FXYD3: variants seen among roughly 807,000 people sequenced by gnomAD.
FXYD3 encodes FXYD domain containing ion transport regulator 3.
A neutral mutation model predicts 19.2 loss-of-function variants in FXYD3; 13 were observed. The observed-to-expected ratio is 0.68, with a 90% confidence interval of 0.44 to 1.08. The LOEUF is 1.08. FXYD3 is among the 50% of genes least tolerant of loss of function. The pLI, the probability that FXYD3 is intolerant of heterozygous loss-of-function variation, is 0.00. For missense variants in FXYD3, 101 were observed against 109.4 expected (o/e 0.92, Z 0.34); for synonymous variants, 48 against 38.9 (o/e 1.23, Z -0.87).
intron 3 of FXYD3, chr19:35,119,619 T>C: frequency 1.8e-6 from 1 of 564,242 alleles, no homozygotes; most frequent in Non-Finnish European, 3.1e-6. Context: ...AAAGTCACCG[T>C]CTTCCCCATT....
Position 35,123,488 on chromosome 19 carries a change from G to A in FXYD3, c.*31G>A. 3 of 1,613,550 alleles carry A rather than the reference G, an allele frequency of 1.9e-6. No individual in the cohort carries two copies. Among genetic ancestry groups the A allele is most frequent in the South Asian group, 1.1e-5 (1 of 91,040 alleles). Reference sequence around the variant, plus strand: ...ACAGACCAGCTGAAATTGGGTGGAGGACCGTTCTCTGTCCCCAGGTCCTGT... The same window carrying A: ...ACAGACCAGCTGAAATTGGGTGGAGAACCGTTCTCTGTCCCCAGGTCCTGT... On this transcript the variant is annotated 3_prime_UTR_variant, in exon 9 of 9. Coordinates refer to ENST00000604404, the MANE Select transcript of FXYD3 (RefSeq NM_005971.4).
intron 2 of FXYD3, chr19:35,117,414 C>A: frequency 7.1e-7 from 1 of 1,415,868 alleles, no homozygotes; most frequent in Admixed American, 3.4e-5. Flanking sequence ...GAGCATAGGG[C>A]TTTAAGATGA....
At chr19:35,119,561 A>G (rs562647992) in intron 3 of FXYD3, 145 bp downstream of exon 3, 3 of 703,644 alleles carry the variant, frequency 4.3e-6, no homozygotes, top group Admixed American at 2.4e-5. Context: ...GAAAAGTCAG[A>G]CTAGTGATAG....
rs2065110759 is a variant in FXYD3 at position 35,124,322 on chromosome 19, T to G, written c.*865T>G. 6.6e-6 allele frequency: 1 copy of G among 152,180 alleles called. No individual in the cohort carries two copies. The highest frequency in any genetic ancestry group is 2.1e-4 in the South Asian group (1 of 4,826). The allele number at this position is 152,180 out of a possible 1,614,324, so 9.4% of individuals were successfully genotyped here. A position where few individuals can be genotyped will look rare whatever the true frequency, so the allele number is the denominator to read the frequency against. On this transcript the variant is annotated 3_prime_UTR_variant, in exon 9 of 9. Transcript: ENST00000604404. ...CACAATAAACTCGTGACTTGTCCCC[T>G]CATCATGCCGTTTTATCCCTCAAAC...
At position 35,122,623 on chromosome 19, in the gene FXYD3, C is replaced by T. The variant is rs1389747053; in HGVS notation, c.98-142C>T. On this transcript the variant is annotated intron_variant, in intron 5 of 8. Transcript: ENST00000604404. ...GGTGTGTGAACCAGAATGTGAGCAC[C>T]TGGGATTTTGTCTGTTTTCTTATGG... The T allele has an allele frequency of 6.8e-5, 46 of 678,410 alleles. 1 individual carries two copies. The highest frequency in any genetic ancestry group is 1.0e-4 in the Non-Finnish European group (40 of 385,824). The allele number at this position is 678,410 out of a possible 1,614,324, so 42.0% of individuals were successfully genotyped here. A position where few individuals can be genotyped will look rare whatever the true frequency, so the allele number is the denominator to read the frequency against.
intron 7 of FXYD3, 79 bp from the exon 8 acceptor site, chr19:35,123,192 G>A (rs2065087636): frequency 6.6e-7 from 1 of 1,519,830 alleles, no homozygotes; most frequent in Non-Finnish European, 8.8e-7. Context: ...AGACATGTCT[G>A]GGCAGGCTAA....
Position 35,123,459 on chromosome 19 carries a change from G to C in FXYD3, c.*2G>C. 1 of 1,614,120 alleles carries C rather than the reference G, an allele frequency of 6.2e-7. No individual in the cohort carries two copies. The highest frequency in any genetic ancestry group is 8.5e-7 in the Non-Finnish European group (1 of 1,180,002). ...CCCGCAGGCTCAGCCCAAAGCTGATGAGGACAGACCAGCTGAAATTGGGTG... is the reference window on the plus strand; with the variant it reads ...CCCGCAGGCTCAGCCCAAAGCTGATCAGGACAGACCAGCTGAAATTGGGTG... On this transcript the variant is annotated 3_prime_UTR_variant, in exon 9 of 9. Coordinates refer to ENST00000604404, the MANE Select transcript of FXYD3 (RefSeq NM_005971.4).
At chr19:35,117,786 A>G (rs2064932672) in intron 2 of FXYD3, among the ~76,000 whole-genome samples, 1 of 150,456 alleles carries the variant, frequency 6.6e-6, no homozygotes, top group African/African-American at 2.5e-5. Flanking sequence ...GGATGCTCCA[A>G]CTAAAATTGT....
intron 5 of FXYD3, 191 bp from the exon 6 acceptor site, chr19:35,122,574 C>G: frequency 1.7e-6 from 1 of 591,186 alleles, no homozygotes; most frequent in Non-Finnish European, 3.0e-6. Context: ...TCTGCCTGAC[C>G]CTGCACGACA....
chr19:35,123,370 G>GTGTGTA, intron 8 of FXYD3, 62 bp downstream of exon 8: 7 of 1,564,850 alleles, frequency 4.5e-6, no homozygotes, highest in Non-Finnish European at 6.1e-6. Flanking sequence ...GTGTGTGTAT[G>GTGTGTA]TGTGTGTTTG....
At chr19:35,123,372 G>T in intron 8 of FXYD3, 64 bp downstream of exon 8, 1 of 1,611,162 alleles carries the variant, frequency 6.2e-7, no homozygotes, top group Non-Finnish European at 8.5e-7. Flanking sequence ...GTGTGTATGT[G>T]TGTGTTTGCA....
chr19:35,120,145 T>TC (rs973155422), intron 3 of FXYD3, among the ~76,000 whole-genome samples: 3 of 149,756 alleles, frequency 2.0e-5, no homozygotes, highest in Non-Finnish European at 4.5e-5. Flanking sequence ...TTTCTTTTCT[T>TC]TTTTTTTTTT....
At chr19:35,119,798 A>G (rs996404445) in intron 3 of FXYD3, 6 of 219,192 alleles carry the variant, frequency 2.7e-5, no homozygotes, top group African/African-American at 1.2e-4. Context: ...AGCCTCCTAC[A>G]CAGCTAGAAT....
chr19:35,123,287 ACT>A lies in FXYD3; in HGVS notation c.228_229del (p.Pro77ThrfsTer36). The A allele has an allele frequency of 6.2e-7, 1 of 1,605,268 alleles. No homozygotes were observed. The highest frequency in any genetic ancestry group is 8.5e-7 in the Non-Finnish European group (1 of 1,175,950). On this transcript the variant is annotated frameshift_variant, in exon 8 of 9. Transcript: ENST00000604404. LOFTEE classifies it high-confidence loss of function. ...GQKSGHHPGE[T>X]PPLITPGSAQ... The stretch of plus-strand genomic sequence containing the variant: ...TCTCCTTAGTCACCATCCAGGGGAG[ACT>A]CCACCTCTCATCACCCCAGGTAAGA...
In FXYD3 at chr19:35,123,399, A is replaced by G; in HGVS notation, c.248-42A>G. 1.9e-6 allele frequency: 3 copies of G among 1,613,640 alleles called. No individual in the cohort carries two copies. The South Asian group carries it at 3.3e-5, about 18-fold the overall frequency. On this transcript the variant is annotated intron_variant, in intron 8 of 8. Coordinates refer to ENST00000604404, the MANE Select transcript of FXYD3 (RefSeq NM_005971.4). ...GTGTTTGCACACTGGAAAGAAAAGA[A>G]CTCAATCCACCCTCACAAACGGACC...
rs777886185 is a variant in FXYD3, at chr19:35,122,707, G to C, written c.98-58G>C. ...TCCATATATATTTGTCAAGAGAATG[G>C]GGGGACAGATGGAGAGGACACAGGC... On this transcript the variant is annotated intron_variant, in intron 5 of 8. Transcript: ENST00000604404. 10 of 1,358,650 alleles carry C rather than the reference G, an allele frequency of 7.4e-6. No individual in the cohort carries two copies. The South Asian group carries it at 1.2e-4, about 16-fold the overall frequency. The allele number at this position is 1,358,650 out of a possible 1,614,324, so 84.2% of individuals were successfully genotyped here. A position where few individuals can be genotyped will look rare whatever the true frequency, so the allele number is the denominator to read the frequency against.
At chr19:35,117,335 G>A in intron 2 of FXYD3, 1 of 1,508,654 alleles carries the variant, frequency 6.6e-7, no homozygotes, top group Non-Finnish European at 8.8e-7. Context: ...GGGCCTTGCA[G>A]GCCAGAGGTG....
chr19:35,119,533 G>A (rs1258193325), intron 3 of FXYD3, 117 bp downstream of exon 3: 4 of 903,138 alleles, frequency 4.4e-6, no homozygotes, highest in Non-Finnish European at 7.2e-6. Context: ...TGTTAGAACA[G>A]CATCTCCCTG....
chr19:35,117,757 C>CAAAAAAAAAAAAAAAAAAAAAAAAAA (rs67977522), intron 2 of FXYD3, among the ~76,000 whole-genome samples: 1 of 65,714 alleles, frequency 1.5e-5, no homozygotes, highest in Non-Finnish European at 2.6e-5. Flanking sequence ...TTTCTTCCCG[C>CAAAAAAAAAAAAAAAAAAAAAAAAAA]AAAAAAAGGA....
Sources: gnomAD v4.1 joint callset for allele counts (sites outside exome capture counted in the v4.1 genomes callset) on GRCh38, gnomAD v4.1.1 for gene constraint, MANE v1.5 for transcripts, NCBI Gene and HGNC (gene_info 2026-07-23, HGNC 2026-07-21) for gene names.